Variants in PDE11A observed in about 807,000 individuals in gnomAD.
PDE11A encodes the protein dual 3',5'-cyclic-AMP and -GMP phosphodiesterase 11A.
A neutral mutation model predicts 100.5 loss-of-function variants in PDE11A; 100 were observed. The ratio of observed to expected loss-of-function variants is 1.00; its 90% confidence interval spans 0.85 to 1.18. The LOEUF (loss-of-function observed/expected upper bound fraction) is 1.18, where lower values mean the gene tolerates loss of function less well. Among genes scored for constraint, PDE11A ranks in the 50% most tolerant of loss-of-function variants. The pLI, the probability that PDE11A is intolerant of heterozygous loss-of-function variation, is 0.00. For missense variants in PDE11A, 1,141 were observed against 1,152.6 expected, an observed-to-expected ratio of 0.99 and a Z score of 0.15; for synonymous variants, 381 against 420.8, an observed-to-expected ratio of 0.91 and a Z score of 1.16.
chr2:177,725,229 G>C (rs10497489), intron 12 of PDE11A, among the ~76,000 whole-genome samples: 24,609 of 151,942 alleles, frequency 0.16, 2,182 homozygotes, highest in Middle Eastern at 0.27. Flanking sequence ...AGTCGTCTTT[G>C]TTACTTCTGT....
At chr2:177,782,365 T>C (rs1172067452) in intron 9 of PDE11A, among the ~76,000 whole-genome samples, 1 of 152,168 alleles carries the variant, frequency 6.6e-6, no homozygotes, top group African/African-American at 2.4e-5. Context: ...CAAAAAGTGG[T>C]TAAAAAGCAA....
At chr2:177,945,905 G>A (rs1180479426) in intron 2 of PDE11A, among the ~76,000 whole-genome samples, 21 of 139,134 alleles carry the variant, frequency 1.5e-4, no homozygotes, top group African/African-American at 4.5e-4. Context: ...CCGGCCAGCC[G>A]CCCCGTCCGG....
intron 18 of PDE11A, among the ~76,000 whole-genome samples, chr2:177,665,261 C>T (rs2080552793): frequency 7.0e-6 from 1 of 143,154 alleles, no homozygotes; most frequent in Non-Finnish European, 1.5e-5. Context: ...CACTTGAGCC[C>T]AAGAGTTCAA....
At chr2:177,948,648 A>C (rs992874634) in intron 2 of PDE11A, among the ~76,000 whole-genome samples, 1 of 152,212 alleles carries the variant, frequency 6.6e-6, no homozygotes, top group African/African-American at 2.4e-5. Context: ...TTGTGCCTAT[A>C]ATCTCAACAC....
chr2:178,009,857 C>T (rs1173466788), intron 2 of PDE11A, among the ~76,000 whole-genome samples: 1 of 152,086 alleles, frequency 6.6e-6, no homozygotes, highest in Non-Finnish European at 1.5e-5. Flanking sequence ...TGAAATTATA[C>T]AGAACATAAC....
At chr2:177,887,941 TG>T (rs1379382376) in intron 4 of PDE11A, among the ~76,000 whole-genome samples, 2 of 151,576 alleles carry the variant, frequency 1.3e-5, no homozygotes, top group Non-Finnish European at 2.9e-5. Flanking sequence ...GGACAGAGCC[TG>T]GGTCCCTGAT....
intron 9 of PDE11A, among the ~76,000 whole-genome samples, chr2:177,770,628 G>A (rs1307956557): frequency 6.6e-6 from 1 of 152,196 alleles, no homozygotes; most frequent in Non-Finnish European, 1.5e-5. Flanking sequence ...GACAAGCATG[G>A]CAGTGAATGC....
rs570450864 is a variant in PDE11A, at chr2:177,950,930, T to A, written c.1072-45743A>T. Reference sequence around the variant, plus strand: ...CTGGGCAAAAGAGTGAGACTCCGTCTCAAAAAAAAAAGAAAATTGTTAAGT... The same window carrying A: ...CTGGGCAAAAGAGTGAGACTCCGTCACAAAAAAAAAAGAAAATTGTTAAGT... On this transcript the variant is annotated intron_variant, in intron 2 of 19. Transcript: ENST00000286063. Among the ~76,000 whole-genome samples, 9 of 149,320 alleles carry A rather than the reference T, an allele frequency of 6.0e-5. No individual in the cohort carries two copies. The East Asian group carries it at 1.7e-3, about 29-fold the overall frequency.
intron 2 of PDE11A, among the ~76,000 whole-genome samples, chr2:178,079,316 G>A (rs2087254636): frequency 6.6e-6 from 1 of 151,792 alleles, no homozygotes; most frequent in Admixed American, 6.6e-5. Context: ...GGGCCCTAGT[G>A]TATGTTGTTC....
At chr2:177,905,812 T>C (rs2084776944) in intron 2 of PDE11A, among the ~76,000 whole-genome samples, 1 of 152,144 alleles carries the variant, frequency 6.6e-6, no homozygotes, top group Non-Finnish European at 1.5e-5. Flanking sequence ...ACACAAATCA[T>C]ACTGGTGGGA....
chr2:178,092,696 G>A lies in PDE11A; in HGVS notation c.162+11606C>T, dbSNP rs139066580. ...GCTCACTGCAACCTCCGCCTCCCAG[G>A]TTCAAGCCATTCTCCTGCCTCAGCC... is the stretch of plus-strand genomic sequence containing the variant. On this transcript the variant is annotated intron_variant, in intron 2 of 20. Coordinates refer to the PDE11A transcript ENST00000358450. 7.4e-3 allele frequency: 1,124 copies of A among 152,478 alleles called. 9 individuals are homozygous for A. The highest frequency in any genetic ancestry group is 9.4e-3 in the Non-Finnish European group (642 of 68,312). 9.4% of individuals were successfully genotyped at this position (152,478 alleles called of 1,614,324 possible). A position where few individuals can be genotyped will look rare whatever the true frequency, so the allele number is the denominator to read the frequency against.
At position 177,809,916 on chromosome 2, in the gene PDE11A, A is replaced by T. The variant is rs547806054; in HGVS notation, c.1737+6913T>A. 5.3e-5 allele frequency among the ~76,000 whole-genome samples: 8 copies of T among 152,236 alleles called. No individual in the cohort carries two copies. The South Asian group carries it at 1.7e-3, about 32-fold the overall frequency. ...TAGCCCTTTCATCCAGTGAGAGAAA[A>T]TCTTTCCTCGGAGCTTAGAAGATTC... On this transcript the variant is annotated intron_variant, in intron 9 of 19. Coordinates refer to ENST00000286063, the MANE Select transcript of PDE11A (RefSeq NM_016953.4).
chr2:177,744,209 GTTA>G (rs1411255174), intron 10 of PDE11A, among the ~76,000 whole-genome samples: 1 of 152,172 alleles, frequency 6.6e-6, no homozygotes, highest in African/African-American at 2.4e-5. Flanking sequence ...AAGAGGAAGA[GTTA>G]TTAAGTTGGG....
intron 9 of PDE11A, among the ~76,000 whole-genome samples, chr2:177,774,135 C>T (rs149721241): frequency 3.3e-5 from 5 of 152,166 alleles, no homozygotes; most frequent in African/African-American, 9.7e-5. Flanking sequence ...AGCCATCATG[C>T]GATTCTGACT....
intron 10 of PDE11A, among the ~76,000 whole-genome samples, chr2:177,737,066 C>A (rs1179957067): frequency 6.6e-6 from 1 of 151,140 alleles, no homozygotes; most frequent in Non-Finnish European, 1.5e-5. Context: ...ATGGAGAAAC[C>A]CTGTCTCTAC....
chr2:177,972,254 C>A (rs578193326), intron 2 of PDE11A, among the ~76,000 whole-genome samples: 1 of 152,222 alleles, frequency 6.6e-6, no homozygotes, highest in African/African-American at 2.4e-5. Context: ...GAAAGAGAAG[C>A]CTGAGAAGGA....
At chr2:177,737,240 C>CAAAAT (rs1295230693) in intron 10 of PDE11A, among the ~76,000 whole-genome samples, 124 of 148,952 alleles carry the variant, frequency 8.3e-4, no homozygotes, top group African/African-American at 2.8e-3. Flanking sequence ...AACTCTGCCT[C>CAAAAT]AAAATAAAAT....
chr2:177,843,468 T>C (rs372269478), intron 5 of PDE11A, among the ~76,000 whole-genome samples: 29 of 152,250 alleles, frequency 1.9e-4, no homozygotes, highest in Admixed American at 9.8e-4. Flanking sequence ...GGAAAAACCA[T>C]TGGAGTTGAT....
At chr2:177,641,201 A>G (rs1313537922) in intron 19 of PDE11A, among the ~76,000 whole-genome samples, 1 of 152,184 alleles carries the variant, frequency 6.6e-6, no homozygotes, top group Non-Finnish European at 1.5e-5. Flanking sequence ...CGCAAGTCCA[A>G]ATCCCTCAAT....
Sources: allele counts gnomAD v4.1 joint callset (sites outside exome capture counted in the v4.1 genomes callset), GRCh38; gene constraint gnomAD v4.1.1; transcripts MANE v1.5; gene names NCBI Gene and HGNC (gene_info 2026-07-23, HGNC 2026-07-21).